Variants in RGS6 observed in about 807,000 individuals in gnomAD.
The protein encoded by RGS6 is regulator of G-protein signaling 6.
RGS6 carries 30 observed loss-of-function variants against 78.5 expected under a neutral mutation model. The ratio of observed to expected loss-of-function variants is 0.38; its 90% CI spans 0.29 to 0.52. RGS6 has a LOEUF of 0.52. Among genes scored for constraint, RGS6 ranks in the 20% least tolerant of loss-of-function variants. The probability of loss-of-function intolerance (pLI) is 0.85; values close to 1 mark genes in which losing one functional copy is unlikely to be tolerated. For missense variants in RGS6, 495 were observed against 609.7 expected, an observed-to-expected ratio of 0.81 and a Z score of 1.98; for synonymous variants, 206 against 206.0, an observed-to-expected ratio of 1.00 and a Z score of 0.00.
At chr14:72,162,969 G>A (rs1051066348) in intron 2 of RGS6, among the ~76,000 whole-genome samples, 2 of 152,188 alleles carry the variant, frequency 1.3e-5, no homozygotes, top group Non-Finnish European at 2.9e-5. Flanking sequence ...AACATCATAT[G>A]TTCTCACTCA....
At chr14:72,536,517 T>C (rs892519714) in intron 16 of RGS6, among the ~76,000 whole-genome samples, 1 of 152,150 alleles carries the variant, frequency 6.6e-6, no homozygotes, top group African/African-American at 2.4e-5. Context: ...CTGCATGTTC[T>C]GCCCATGGTG....
intron 2 of RGS6, among the ~76,000 whole-genome samples, chr14:72,070,870 A>T (rs1238632808): frequency 6.6e-6 from 1 of 152,210 alleles, no homozygotes; most frequent in Non-Finnish European, 1.5e-5. Flanking sequence ...ATGTGTATGA[A>T]TATATGTTAT....
At chr14:72,474,218 A>G (rs1255708020) in intron 9 of RGS6, 1 of 155,934 alleles carries the variant, frequency 6.4e-6, no homozygotes, top group Non-Finnish European at 1.4e-5. Context: ...TTCCTCATGA[A>G]ATGGAACTAA....
chr14:72,619,307 C>G, the RGS6 span: 1 of 1,536,104 alleles, frequency 6.5e-7, no homozygotes, highest in Non-Finnish European at 8.7e-7. Flanking sequence ...CTAGGCCTGG[C>G]AGCCAAAGGC....
chr14:72,172,201 T>C (rs1199629639), intron 2 of RGS6, among the ~76,000 whole-genome samples: 2 of 151,888 alleles, frequency 1.3e-5, no homozygotes, highest in Non-Finnish European at 2.9e-5. Context: ...ACTGTGACGA[T>C]TTAAGATGCA....
chr14:72,242,957 T>C (rs1288005160), intron 2 of RGS6, among the ~76,000 whole-genome samples: 4 of 149,376 alleles, frequency 2.7e-5, no homozygotes, highest in Non-Finnish European at 5.9e-5. Flanking sequence ...CAAGCAGTTC[T>C]CCTGCCTCAG....
chr14:72,405,171 G>A (rs1176918384), intron 3 of RGS6, among the ~76,000 whole-genome samples: 1 of 152,148 alleles, frequency 6.6e-6, no homozygotes, highest in African/African-American at 2.4e-5. Context: ...GAGCTGGGTG[G>A]CACCAGCAAA....
At chr14:71,925,712 CATATTATATT>C in the RGS6 span, among the ~76,000 whole-genome samples, 161 of 96,286 alleles carry the variant, frequency 1.7e-3, no homozygotes, top group African/African-American at 3.4e-3. Flanking sequence ...TAGATGACTT[CATATTATATT>C]ATATTATATT....
At chr14:72,313,898 A>G (rs927767108) in intron 2 of RGS6, among the ~76,000 whole-genome samples, 5 of 152,240 alleles carry the variant, frequency 3.3e-5, no homozygotes, top group African/African-American at 1.2e-4. Context: ...GATTAGTTGT[A>G]AAATCACCTC....
intron 2 of RGS6, among the ~76,000 whole-genome samples, chr14:72,057,412 G>C (rs1712251915): frequency 6.8e-6 from 1 of 147,312 alleles, no homozygotes; most frequent in African/African-American, 2.5e-5. Context: ...GTTTGTATCT[G>C]TAGCTGCTAC....
At chr14:72,047,896 T>TTA in intron 2 of RGS6, among the ~76,000 whole-genome samples, 1 of 27,744 alleles carries the variant, frequency 3.6e-5, no homozygotes, top group Admixed American at 3.3e-4. Context: ...CAGCTAATTT[T>TTA]TGTTTTTTTT....
At chr14:72,476,863 C>T (rs2153352242) in intron 11 of RGS6, 23 bp downstream of exon 11, 2 of 1,592,822 alleles carry the variant, frequency 1.3e-6, no homozygotes, top group Middle Eastern at 1.7e-4. Flanking sequence ...ACAGCTTGCA[C>T]TCTCAGGAGG....
chr14:72,470,901 G>T (rs1029577180), intron 8 of RGS6, among the ~76,000 whole-genome samples: 4 of 146,286 alleles, frequency 2.7e-5, no homozygotes, highest in Non-Finnish European at 6.0e-5. Context: ...AAAAAAACAA[G>T]ATTATAGGGC....
chr14:71,942,890 T>C (rs1462185848), intron 1 of RGS6, among the ~76,000 whole-genome samples: 12 of 152,266 alleles, frequency 7.9e-5, no homozygotes, highest in Non-Finnish European at 2.9e-5. Flanking sequence ...GCTCAGGCTA[T>C]GCAAATGAAT....
Position 72,357,987 on chromosome 14 carries a change from T to C in RGS6, c.184+5793T>C, listed in dbSNP as rs1054298156. On this transcript the variant is annotated intron_variant, in intron 3 of 17. Coordinates refer to ENST00000553525, the MANE Select transcript of RGS6 (RefSeq NM_001204424.2). ...TGCTGTGTGCAGCCTAGGGACTTAA[T>C]GCCCTGTGTCCCAGCTGCTCCAGCT... Among the ~76,000 whole-genome samples, 35 of 152,140 alleles carry C rather than the reference T, an allele frequency of 2.3e-4. 1 individual carries two copies. Among genetic ancestry groups the C allele is most frequent in the African/African-American group, 8.4e-4 (35 of 41,442 alleles).
At chr14:72,283,886 A>G (rs753389281) in intron 2 of RGS6, among the ~76,000 whole-genome samples, 2 of 152,234 alleles carry the variant, frequency 1.3e-5, no homozygotes, top group Non-Finnish European at 2.9e-5. Flanking sequence ...GGCTTTGACC[A>G]AAATGCTGAT....
At chr14:72,532,722 A>C (rs1328576791) in intron 15 of RGS6, among the ~76,000 whole-genome samples, 1 of 152,246 alleles carries the variant, frequency 6.6e-6, no homozygotes, top group Non-Finnish European at 1.5e-5. Flanking sequence ...TCTGAATAGA[A>C]GATCAAATCA....
At chr14:72,490,257 C>G (rs1005630946) in intron 12 of RGS6, among the ~76,000 whole-genome samples, 11 of 152,220 alleles carry the variant, frequency 7.2e-5, no homozygotes, top group Admixed American at 5.9e-4. Flanking sequence ...CAAGCTCGCT[C>G]TCTTTGCCTG....
chr14:72,369,774 T>C (rs2152829349), intron 3 of RGS6, among the ~76,000 whole-genome samples: 1 of 152,324 alleles, frequency 6.6e-6, no homozygotes, highest in South Asian at 2.1e-4. Context: ...TAGTTTAAAA[T>C]ATCTTTTGGA....
Sources: gnomAD v4.1 joint callset for allele counts (sites outside exome capture counted in the v4.1 genomes callset) on GRCh38, gnomAD v4.1.1 for gene constraint, MANE v1.5 for transcripts, NCBI Gene and HGNC (gene_info 2026-07-23, HGNC 2026-07-21) for gene names.